The following ZNF638 variants were observed in gnomAD, a reference collection of about 807,000 sequenced individuals.
ZNF638 encodes the protein CTCL tumor antigen se33-1.
In ZNF638, 46 loss-of-function variants were observed where a neutral mutation model predicts 195.6. The observed-to-expected ratio is 0.24, with a 90% CI of 0.19 to 0.30. The LOEUF (loss-of-function observed/expected upper bound fraction) is 0.30. Among genes scored for constraint, ZNF638 ranks in the 10% least tolerant of loss-of-function variants. The pLI, the probability that ZNF638 is intolerant of heterozygous loss-of-function variation, is 1.00. For missense variants in ZNF638, 2,440 were observed against 2,325.3 expected (o/e 1.05, Z -1.01); for synonymous variants, 845 against 772.0 (o/e 1.09, Z -1.57).
intron 1 of ZNF638, among the ~76,000 whole-genome samples, chr2:71,348,217 C>T (rs2078884081): frequency 6.6e-6 from 1 of 152,110 alleles, no homozygotes; most frequent in South Asian, 2.1e-4. Context: ...TTACAAGAAA[C>T]AACTATTTAA....
intron 10 of ZNF638, among the ~76,000 whole-genome samples, chr2:71,394,182 T>G (rs1429701240): frequency 1.3e-5 from 2 of 152,208 alleles, no homozygotes; most frequent in Non-Finnish European, 2.9e-5. Context: ...GCGACCATAC[T>G]GATGTTTGCA....
At chr2:71,422,047 C>A (rs527710195) in intron 21 of ZNF638, among the ~76,000 whole-genome samples, 91 of 152,196 alleles carry the variant, frequency 6.0e-4, no homozygotes, top group African/African-American at 2.1e-3. Flanking sequence ...ATATTACTTA[C>A]ACATTTAAGT....
Position 71,410,942 on chromosome 2 carries a change from C to T in ZNF638, c.3261+2695C>T, listed in dbSNP as rs377132592. On this transcript the variant is annotated intron_variant, in intron 20 of 27. Coordinates refer to ENST00000264447, the MANE Select transcript of ZNF638 (RefSeq NM_014497.5). ...TTGGTTTGGGACTCATTTCCTGCAT[C>T]CTGCTTTTAGAGCAGGAAGTTTTTC... 1.3e-4 allele frequency among the ~76,000 whole-genome samples: 19 copies of T among 148,268 alleles called. 1 individual carries two copies. The East Asian group carries it at 3.4e-3, about 27-fold the overall frequency.
chr2:71,332,539 T>A (rs2078591185), intron 1 of ZNF638, among the ~76,000 whole-genome samples: 1 of 152,206 alleles, frequency 6.6e-6, no homozygotes, highest in Non-Finnish European at 1.5e-5. Flanking sequence ...GACTGAGGAC[T>A]CATAAATGGT....
chr2:71,399,752 G>T (rs1315652313), intron 13 of ZNF638, 107 bp downstream of exon 13: 19 of 854,914 alleles, frequency 2.2e-5, no homozygotes, highest in Non-Finnish European at 3.5e-5. Flanking sequence ...AACGTGTCAT[G>T]GGGGTTTGTT....
At chr2:71,355,513 TG>T (rs539119473) in intron 2 of ZNF638, among the ~76,000 whole-genome samples, 17 of 152,248 alleles carry the variant, frequency 1.1e-4, no homozygotes, top group Non-Finnish European at 2.1e-4. Context: ...TATTTTCAAA[TG>T]GGATCAGTGA....
intron 11 of ZNF638, 100 bp from the exon 12 acceptor site, chr2:71,398,599 AAC>A: frequency 1.1e-6 from 1 of 922,498 alleles, no homozygotes; most frequent in Non-Finnish European, 1.8e-6. Flanking sequence ...TTTTGAATAA[AAC>A]ACAGCCTATT....
intron 17 of ZNF638, among the ~76,000 whole-genome samples, chr2:71,404,683 C>CT (rs1306430143): frequency 6.6e-6 from 1 of 152,184 alleles, no homozygotes; most frequent in Non-Finnish European, 1.5e-5. Flanking sequence ...TACCACTGAA[C>CT]TTCAGCCTGG....
chr2:71,379,586 G>A (rs1354029723), intron 8 of ZNF638: 2 of 152,132 alleles, frequency 1.3e-5, no homozygotes, highest in Non-Finnish European at 1.5e-5. Context: ...CCAAAGAGAA[G>A]GGGAAAAATG....
At chr2:71,384,284 A>G (rs766860361) in intron 10 of ZNF638, among the ~76,000 whole-genome samples, 3 of 152,274 alleles carry the variant, frequency 2.0e-5, no homozygotes, top group South Asian at 2.1e-4. Flanking sequence ...ACTCTGCTTT[A>G]TTATACACGT....
At chr2:71,376,263 T>C (rs912537142) in intron 8 of ZNF638, 1 of 152,226 alleles carries the variant, frequency 6.6e-6, no homozygotes, top group South Asian at 2.1e-4. Flanking sequence ...TGGATGATGC[T>C]GGAACAAGAA....
intron 17 of ZNF638, 98 bp from the exon 18 acceptor site, chr2:71,405,503 A>C: frequency 1.4e-6 from 1 of 727,918 alleles, no homozygotes; most frequent in African/African-American, 1.9e-5. Context: ...TTTGTAATGC[A>C]TATTTGTATA....
chr2:71,356,441 G>A (rs779868685), intron 3 of ZNF638, among the ~76,000 whole-genome samples: 4 of 152,084 alleles, frequency 2.6e-5, no homozygotes, highest in Admixed American at 6.6e-5. Context: ...TGAGAGTAAC[G>A]TGTTATTGGG....
chr2:71,348,808 A>G lies in ZNF638; in HGVS notation c.-147A>G, dbSNP rs764194589. ...ACTTGTGAATTCCTTGAACCTGGGC[A>G]TTGCAAACCCACTTCTGTTGGGCCC... On this transcript the variant is annotated 5_prime_UTR_variant, in exon 2 of 28. Coordinates refer to ENST00000264447, the MANE Select transcript of ZNF638 (RefSeq NM_014497.5). 2 of 1,584,028 alleles carry G rather than the reference A, an allele frequency of 1.3e-6. No individual in the cohort carries two copies. Among genetic ancestry groups the G allele is most frequent in the African/African-American group, 2.7e-5 (2 of 74,588 alleles).
rs1050025411 is a variant in ZNF638 at position 71,355,108 on chromosome 2, A to G, written c.1318-611A>G. Among the ~76,000 whole-genome samples, 3 of 152,120 alleles carry G rather than the reference A, an allele frequency of 2.0e-5. No homozygotes were observed. The East Asian group carries it at 5.8e-4, about 29-fold the overall frequency. The stretch of plus-strand genomic sequence containing the variant: ...GTCAGCCTCCTGAGTCGCTGGGGCT[A>G]CAGGTGCCCGCCACAACGCCTGGCT... On this transcript the variant is annotated intron_variant, in intron 2 of 27. Coordinates refer to ENST00000264447, the MANE Select transcript of ZNF638 (RefSeq NM_014497.5).
chr2:71,378,151 A>G (rs972195553), intron 8 of ZNF638, among the ~76,000 whole-genome samples: 1 of 152,230 alleles, frequency 6.6e-6, no homozygotes, highest in African/African-American at 2.4e-5. Flanking sequence ...AAATAATCAC[A>G]TTTTTATAAA....
At chr2:71,373,606 G>A (rs1466889045) in intron 8 of ZNF638, among the ~76,000 whole-genome samples, 1 of 147,374 alleles carries the variant, frequency 6.8e-6, no homozygotes, top group Non-Finnish European at 1.5e-5. Context: ...CACTAACAGA[G>A]ATGGGGTTTC....
intron 3 of ZNF638, among the ~76,000 whole-genome samples, chr2:71,360,040 A>G (rs959937475): frequency 6.6e-6 from 1 of 152,250 alleles, no homozygotes; most frequent in Non-Finnish European, 1.5e-5. Flanking sequence ...AGACTTTATC[A>G]ATGAGAGAAG....
chr2:71,359,557 C>T (rs572892141), intron 3 of ZNF638, among the ~76,000 whole-genome samples: 1 of 152,228 alleles, frequency 6.6e-6, no homozygotes, highest in Non-Finnish European at 1.5e-5. Flanking sequence ...TGGAAACACT[C>T]TCACAGACAT....
Sources: gnomAD v4.1 joint callset for allele counts (sites outside exome capture counted in the v4.1 genomes callset) on GRCh38, gnomAD v4.1.1 for gene constraint, MANE v1.5 for transcripts, NCBI Gene and HGNC (gene_info 2026-07-23, HGNC 2026-07-21) for gene names.